Variants in RHCG observed in about 807,000 individuals in gnomAD.
RHCG encodes ammonium transporter Rh type C.
A neutral mutation model predicts 55.3 loss-of-function variants in RHCG; 39 were observed. That is an observed-to-expected ratio of 0.70 (90% CI 0.55 to 0.92). The LOEUF is 0.92. RHCG is among the 40% of genes least tolerant of loss of function. The probability of loss-of-function intolerance (pLI) is 0.00; values close to 1 mark genes in which losing one functional copy is unlikely to be tolerated. For missense variants in RHCG, 635 were observed against 627.9 expected (o/e 1.01, Z -0.12); for synonymous variants, 250 against 246.8 (o/e 1.01, Z -0.12).
chr15:89,484,116 T>C (rs1417841100), intron 2 of RHCG, among the ~76,000 whole-genome samples: 1 of 152,060 alleles, frequency 6.6e-6, no homozygotes, highest in African/African-American at 2.4e-5. Context: ...TAGAAAGGAC[T>C]CCCTTCCCCT....
intron 5 of RHCG, 77 bp downstream of exon 5, chr15:89,479,245 G>T (rs985836982): frequency 2.0e-6 from 3 of 1,477,994 alleles, no homozygotes; most frequent in African/African-American, 2.8e-5. Flanking sequence ...CCCCTCAGAG[G>T]TGTTGGCAAG....
Position 89,479,465 on chromosome 15 carries a change from A to C in RHCG, c.694T>G (p.Trp232Gly). The C allele has an allele frequency of 6.2e-7, 1 of 1,613,426 alleles. No individual in the cohort carries two copies. Among genetic ancestry groups the C allele is most frequent in the Non-Finnish European group, 8.5e-7 (1 of 1,179,704 alleles). ...MIGTLFLWMY[W>G]PSFNSAISYH... ...GATATGGCTGAGTTGAAGCTGGGCC[A>C]GTACATCCACAGGAAGAGGGTGCCT... The change falls in exon 5 of 11, where the codon TGG becomes GGG. Residue 232 changes from tryptophan (W) to glycine (G), a missense_variant. Physicochemically the swap from Trp to Gly is radical, Grantham distance 184. Transcript: ENST00000268122.
At chr15:89,496,313 G>A in intron 1 of RHCG, 48 bp downstream of exon 1, 1 of 1,601,026 alleles carries the variant, frequency 6.2e-7, no homozygotes, top group Non-Finnish European at 8.5e-7. Context: ...GCCAGGTGGG[G>A]ACCGGCGCGG....
At position 89,477,056 on chromosome 15, in the gene RHCG, T is replaced by C. The variant is rs1438131771; in HGVS notation, c.1237+26A>G. 1 of 1,613,612 alleles carries C rather than the reference T, an allele frequency of 6.2e-7. No individual in the cohort carries two copies. Among genetic ancestry groups the C allele is most frequent in the South Asian group, 1.1e-5 (1 of 91,046 alleles). ...GGGAGCCCCACAGCAGCACCCCCCT[T>C]CTCTGGCTCAGCCATTCCTGCTCAC... On this transcript the variant is annotated intron_variant, in intron 8 of 10. Coordinates refer to ENST00000268122, the MANE Select transcript of RHCG (RefSeq NM_016321.3). This position sits in a 1 kb window ranked among gnomAD's most constrained non-coding sequence, Gnocchi z 4.5.
chr15:89,484,654 C>T (rs186581627), intron 2 of RHCG, among the ~76,000 whole-genome samples: 36 of 152,006 alleles, frequency 2.4e-4, no homozygotes, highest in African/African-American at 8.5e-4. Flanking sequence ...GTGGCAGACA[C>T]CTGTAATCCT....
chr15:89,471,913 G>A (rs1961045222), intron 10 of RHCG, 58 bp from the exon 11 acceptor site: 2 of 152,312 alleles, frequency 1.3e-5, no homozygotes, highest in African/African-American at 4.8e-5. Flanking sequence ...TAGCCTCTCA[G>A]GCACCATTTT....
At chr15:89,488,586 A>C (rs1279368005) in intron 1 of RHCG, among the ~76,000 whole-genome samples, 1 of 152,232 alleles carries the variant, frequency 6.6e-6, no homozygotes, top group Admixed American at 6.5e-5. Context: ...ACCCAATCTA[A>C]TCATGAGAAA....
At chr15:89,494,310 C>T (rs879664319) in intron 1 of RHCG, among the ~76,000 whole-genome samples, 1 of 152,142 alleles carries the variant, frequency 6.6e-6, no homozygotes, top group Non-Finnish European at 1.5e-5. Flanking sequence ...AGTCTGGGGA[C>T]AGAGACCCAG....
At chr15:89,480,533 A>C in intron 3 of RHCG, 125 bp from the exon 4 acceptor site, 1 of 1,175,222 alleles carries the variant, frequency 8.5e-7, no homozygotes, top group Non-Finnish European at 1.2e-6. Context: ...AGGGTGCAGG[A>C]TGGAGCCTGG....
At chr15:89,493,896 G>C (rs1271794023) in intron 1 of RHCG, among the ~76,000 whole-genome samples, 3 of 152,116 alleles carry the variant, frequency 2.0e-5, no homozygotes, top group Non-Finnish European at 4.4e-5. Flanking sequence ...CTCACAGGTG[G>C]TGGTGATGAT....
chr15:89,494,164 G>A (rs1195115627), intron 1 of RHCG, among the ~76,000 whole-genome samples: 2 of 151,892 alleles, frequency 1.3e-5, no homozygotes, highest in African/African-American at 4.8e-5. Flanking sequence ...CCCTTTTAGT[G>A]GCCCCCTTGG....
At chr15:89,494,988 C>T (rs201525412) in intron 1 of RHCG, among the ~76,000 whole-genome samples, 1 of 152,112 alleles carries the variant, frequency 6.6e-6, no homozygotes, top group African/African-American at 2.4e-5. Flanking sequence ...GAAAGTCCCC[C>T]CCTTGAGGAG....
At chr15:89,476,644 T>C in intron 9 of RHCG, 111 bp downstream of exon 9, 1 of 860,776 alleles carries the variant, frequency 1.2e-6, no homozygotes, top group Non-Finnish European at 2.0e-6. Flanking sequence ...ATGTAGGCTC[T>C]GACCCCCACC....
At chr15:89,476,943 T>G in intron 8 of RHCG, 115 bp from the exon 9 acceptor site, 1 of 1,541,290 alleles carries the variant, frequency 6.5e-7, no homozygotes, top group South Asian at 1.1e-5. Flanking sequence ...TTCCAAATTG[T>G]CCCAGTCCTG....
At chr15:89,474,410 G>A (rs2141885859) in intron 9 of RHCG, among the ~76,000 whole-genome samples, 1 of 152,332 alleles carries the variant, frequency 6.6e-6, no homozygotes, top group Non-Finnish European at 1.5e-5. Flanking sequence ...CTAAGTGAAA[G>A]GCATTATGGG....
chr15:89,477,150 T>A lies in RHCG; in HGVS notation c.1169A>T (p.Gln390Leu). ...GFNGDWTART[Q>L]GKFQIYGLLV... ...GAGACCATAAATCTGGAACTTTCCCTGTGTTCTTGCGGTCCAGTCCCCGTT... is the reference window on the plus strand; with the variant it reads ...GAGACCATAAATCTGGAACTTTCCCAGTGTTCTTGCGGTCCAGTCCCCGTT... The change falls in exon 8 of 11, where the codon CAG becomes CTG. Residue 390 changes from glutamine to leucine, a missense_variant. Transcript: ENST00000268122. The surrounding 1 kb of genome is among the most constrained non-coding windows in gnomAD (Gnocchi z 4.5). The A allele has an allele frequency of 1.9e-6, 3 of 1,614,052 alleles. No homozygotes were observed. Among genetic ancestry groups the A allele is most frequent in the Non-Finnish European group, 2.5e-6 (3 of 1,180,010 alleles).
rs1437807601 is a variant in RHCG at position 89,486,793 on chromosome 15, G to T, written c.371+6C>A. 4 of 1,581,948 alleles carry T rather than the reference G, an allele frequency of 2.5e-6. No homozygotes were observed. The highest frequency in any genetic ancestry group is 3.5e-6 in the Non-Finnish European group (4 of 1,158,012). The stretch of plus-strand genomic sequence containing the variant: ...GCCACGCCCCCGGGGCCCGCCCTGC[G>T]CTCACTTCTCCACGCCCACGACGAT... On this transcript the variant is annotated splice_donor_region_variant and intron_variant, in intron 2 of 10. Transcript: ENST00000268122.
In RHCG at chr15:89,486,889, A is replaced by G. The variant is rs772524775; in HGVS notation, c.281T>C (p.Leu94Pro). Residue 94 changes from leucine to proline, a missense_variant, in exon 2 of 11, where the codon CTG becomes CCG. Physicochemically the swap from Leu to Pro is moderately conservative, Grantham distance 98 (BLOSUM62 -3). Transcript: ENST00000268122. ...YGFSAVGFNF[L>P]LAAFGIQWAL... ...CCACTGGATGCCGAAGGCTGCCAAC[A>G]GGAAGTTGAAGCCCACGGCGCTGAA... 6.8e-6 allele frequency: 11 copies of G among 1,612,980 alleles called. No homozygotes were observed. Among genetic ancestry groups the G allele is most frequent in the Non-Finnish European group, 9.3e-6 (11 of 1,179,102 alleles).
At chr15:89,476,384 C>T (rs527264447) in intron 9 of RHCG, among the ~76,000 whole-genome samples, 1 of 152,314 alleles carries the variant, frequency 6.6e-6, no homozygotes, top group East Asian at 1.9e-4. Flanking sequence ...GCATTTCTAA[C>T]CAGTCTGTAG....
Sources: allele counts gnomAD v4.1 joint callset (sites outside exome capture counted in the v4.1 genomes callset), GRCh38; gene constraint gnomAD v4.1.1; non-coding constraint Gnocchi (gnomAD v3.1); transcripts MANE v1.5; gene names NCBI Gene and HGNC (gene_info 2026-07-23, HGNC 2026-07-21).